Variants in CYP46A1 observed in about 807,000 individuals in gnomAD.
CYP46A1 encodes cholesterol 24-hydroxylase.
A neutral mutation model predicts 63.3 loss-of-function variants in CYP46A1; 20 were observed. That is an observed-to-expected ratio of 0.32 (90% confidence interval 0.22 to 0.46). The LOEUF is 0.46. Ranked by LOEUF, CYP46A1 falls within the 20% of genes least tolerant of loss-of-function variation. The probability of loss-of-function intolerance (pLI) is 1.00; values close to 1 mark genes in which losing one functional copy is unlikely to be tolerated. For missense variants in CYP46A1, 445 were observed against 670.8 expected (o/e 0.66, Z 3.72); for synonymous variants, 268 against 273.6 (o/e 0.98, Z 0.20).
chr14:99,715,392 G>A (rs1473180231), intron 7 of CYP46A1, among the ~76,000 whole-genome samples: 5 of 152,140 alleles, frequency 3.3e-5, no homozygotes, highest in Non-Finnish European at 5.9e-5. Context: ...TTCATCTCAG[G>A]GCCCCCTCCC....
chr14:99,723,234 T>C (rs955314269), intron 12 of CYP46A1: 31 of 178,716 alleles, frequency 1.7e-4, no homozygotes, highest in Non-Finnish European at 3.6e-4. Context: ...TTTGGGGTAG[T>C]GTGTTTTTTC....
At chr14:99,693,508 T>A (rs925771194) in intron 3 of CYP46A1, 1 of 152,234 alleles carries the variant, frequency 6.6e-6, no homozygotes, top group African/African-American at 2.4e-5. Context: ...ATATTATCTT[T>A]TAATTATTGT....
At position 99,725,492 on chromosome 14, in the gene CYP46A1, T is replaced by C. The variant is rs556146205; in HGVS notation, c.1265+13T>C. 6.2e-7 allele frequency: 1 copy of C among 1,605,210 alleles called. No homozygotes were observed. Among genetic ancestry groups the C allele is most frequent in the East Asian group, 2.2e-5 (1 of 44,822 alleles). ...CTGGAGCACCCAAGTAAGTCCCTCC[T>C]GGAGCTGCCCATGAGTGGGGCTGGC... is the stretch of plus-strand genomic sequence containing the variant. On this transcript the variant is annotated intron_variant, in intron 13 of 14. Transcript: ENST00000261835. This position sits in a 1 kb window ranked among gnomAD's most constrained non-coding sequence, Gnocchi z 4.2.
chr14:99,726,270 G>A lies in CYP46A1; in HGVS notation c.1332+14G>A, dbSNP rs766638245. On this transcript the variant is annotated intron_variant, in intron 14 of 14. Coordinates refer to ENST00000261835, the MANE Select transcript of CYP46A1 (RefSeq NM_006668.2). The stretch of plus-strand genomic sequence containing the variant: ...CAGTTTGCTCAGGTAGGAGGGGCAG[G>A]GCTGTGGTTCTGCCCAGGAGTAGCT... The A allele has an allele frequency of 1.9e-6, 3 of 1,612,218 alleles. No individual in the cohort carries two copies. The highest frequency in any genetic ancestry group is 2.2e-5 in the East Asian group (1 of 44,840).
intron 7 of CYP46A1, among the ~76,000 whole-genome samples, chr14:99,714,772 AAAAAG>A (rs1323191849): frequency 1.3e-5 from 2 of 152,004 alleles, no homozygotes; most frequent in East Asian, 1.9e-4. Flanking sequence ...AAAAAAAAAA[AAAAAG>A]AAAAGAAAAT....
intron 12 of CYP46A1, among the ~76,000 whole-genome samples, chr14:99,724,482 C>G (rs1232280887): frequency 6.6e-6 from 1 of 152,220 alleles, no homozygotes; most frequent in African/African-American, 2.4e-5. Flanking sequence ...TTACAGCCAG[C>G]AGGGGAAGCC....
At chr14:99,707,857 A>C in intron 7 of CYP46A1, 179 bp downstream of exon 7, 1 of 590,894 alleles carries the variant, frequency 1.7e-6, no homozygotes, top group East Asian at 2.8e-5. Flanking sequence ...GCTTAAAATC[A>C]AATTGCCTTA....
intron 9 of CYP46A1, 57 bp from the exon 10 acceptor site, chr14:99,717,997 C>CT (rs1218019349): frequency 7.1e-7 from 1 of 1,406,514 alleles, no homozygotes; most frequent in Admixed American, 1.7e-5. Flanking sequence ...CAGGCACAAA[C>CT]TGTCTCCTTC....
chr14:99,685,444 C>A (rs756212930), intron 1 of CYP46A1, among the ~76,000 whole-genome samples: 4 of 151,134 alleles, frequency 2.6e-5, no homozygotes, highest in Non-Finnish European at 5.9e-5. Context: ...CCCCAGACTT[C>A]TCAGGGGCCA....
At chr14:99,687,694 A>G (rs1032595275) in intron 1 of CYP46A1, among the ~76,000 whole-genome samples, 1 of 151,776 alleles carries the variant, frequency 6.6e-6, no homozygotes, top group Non-Finnish European at 1.5e-5. Flanking sequence ...CCCACAGGAG[A>G]GCTTGGGTCC....
intron 1 of CYP46A1, 26 bp downstream of exon 1, chr14:99,684,562 G>T (rs2056472850): frequency 1.8e-5 from 26 of 1,435,708 alleles, no homozygotes; most frequent in Non-Finnish European, 2.3e-5. Context: ...GGCGGGGCCT[G>T]GCTGGGGTGC....
intron 10 of CYP46A1, 36 bp downstream of exon 10, chr14:99,718,162 T>A: frequency 6.3e-7 from 1 of 1,595,358 alleles, no homozygotes; most frequent in Non-Finnish European, 8.6e-7. Context: ...CAAAGAGGTC[T>A]GTCTGATTTC....
At position 99,695,216 on chromosome 14, in the gene CYP46A1, T is replaced by C. The variant is rs551057164; in HGVS notation, c.282+3355T>C. The stretch of plus-strand genomic sequence containing the variant: ...ATTTGTTTTATGGCCCAGCATATGG[T>C]TCATCAAAGTGAATGTTAATGAACC... On this transcript the variant is annotated intron_variant, in intron 3 of 14. Coordinates refer to ENST00000261835, the MANE Select transcript of CYP46A1 (RefSeq NM_006668.2). Among the ~76,000 whole-genome samples the C allele has an allele frequency of 3.3e-5, 5 of 152,354 alleles. No homozygotes were observed. In the East Asian group the frequency reaches 9.6e-4, roughly 29 times the overall value.
chr14:99,687,811 G>A (rs1248139635), intron 1 of CYP46A1, among the ~76,000 whole-genome samples: 1 of 152,142 alleles, frequency 6.6e-6, no homozygotes, highest in African/African-American at 2.4e-5. Flanking sequence ...GCTCTGCTGT[G>A]TCCAGTCTAT....
At chr14:99,691,597 G>A (rs117244059) in intron 2 of CYP46A1, 183 bp from the exon 3 acceptor site, 40,290 of 609,874 alleles carry the variant, frequency 0.066, 1,648 homozygotes, top group Middle Eastern at 0.092. Flanking sequence ...GACATGACTC[G>A]GCAAGTGAGC....
chr14:99,688,620 C>T (rs1482563989), intron 1 of CYP46A1, among the ~76,000 whole-genome samples: 1 of 152,322 alleles, frequency 6.6e-6, no homozygotes, highest in Non-Finnish European at 1.5e-5. Flanking sequence ...GCATCATCCC[C>T]ATTTTTATAT....
chr14:99,707,551 C>T lies in CYP46A1; in HGVS notation c.583-17C>T, dbSNP rs777710352. 6.8e-6 allele frequency: 11 copies of T among 1,611,388 alleles called. No homozygotes were observed. Among genetic ancestry groups the T allele is most frequent in the Middle Eastern group, 1.7e-4 (1 of 6,010 alleles). On this transcript the variant is annotated splice_polypyrimidine_tract_variant and intron_variant, in intron 6 of 14. Transcript: ENST00000261835. The stretch of plus-strand genomic sequence containing the variant: ...TTCTGTGCCCCAGGGATGACCTTGC[C>T]CTTCTCTCTCCCCCAGGCAGCTTTT...
At chr14:99,694,768 T>G (rs1225815269) in intron 3 of CYP46A1, among the ~76,000 whole-genome samples, 1 of 152,230 alleles carries the variant, frequency 6.6e-6, no homozygotes. Context: ...CCCAAAATGC[T>G]GGGATTGCAG....
At position 99,706,707 on chromosome 14, in the gene CYP46A1, A is replaced by G. The variant is rs750556808; in HGVS notation, c.504A>G (p.Leu168=). Residue 168 remains leucine, a synonymous_variant, in exon 6 of 15, where the codon CTA becomes CTG. Coordinates refer to ENST00000261835, the MANE Select transcript of CYP46A1 (RefSeq NM_006668.2). ...AGGCTGAGCAGCTGGTGGAGATTCTAGAAGCCAAGGCAGATGGGCAGACCC... is the reference window on the plus strand; with the variant it reads ...AGGCTGAGCAGCTGGTGGAGATTCTGGAAGCCAAGGCAGATGGGCAGACCC... ...NEKAEQLVEI[L]EAKADGQTPV... is the part of the protein sequence containing the mutation. 1.4e-5 allele frequency: 22 copies of G among 1,613,838 alleles called. No individual in the cohort carries two copies. The highest frequency in any genetic ancestry group is 1.7e-5 in the Admixed American group (1 of 60,008).
Sources: allele counts gnomAD v4.1 joint callset (sites outside exome capture counted in the v4.1 genomes callset), GRCh38; gene constraint gnomAD v4.1.1; non-coding constraint Gnocchi (gnomAD v3.1); transcripts MANE v1.5; gene names NCBI Gene and HGNC (gene_info 2026-07-23, HGNC 2026-07-21).